FANCC: variants seen among roughly 807,000 people sequenced by gnomAD.
FANCC encodes Fanconi anemia group C protein.
FANCC carries 55 observed loss-of-function variants against 71.3 expected under a neutral mutation model. The ratio of observed to expected loss-of-function variants is 0.77; its 90% CI spans 0.62 to 0.97. The LOEUF is 0.97. Ranked by LOEUF, FANCC falls within the 50% of genes least tolerant of loss-of-function variation. The probability of loss-of-function intolerance (pLI) is 0.00; values close to 1 mark genes in which losing one functional copy is unlikely to be tolerated. For missense variants in FANCC, 678 were observed against 670.9 expected (o/e 1.01, Z -0.12); for synonymous variants, 275 against 244.9 (o/e 1.12, Z -1.15).
At chr9:95,291,967 A>AAAATATAT (rs1441757988) in intron 1 of FANCC, among the ~76,000 whole-genome samples, 25 of 50,416 alleles carry the variant, frequency 5.0e-4, no homozygotes, top group South Asian at 2.6e-3. Flanking sequence ...AAAAAAAAAA[A>AAAATATAT]ATATATATAT....
At chr9:95,149,889 C>T (rs376679271) in intron 7 of FANCC, 34 bp downstream of exon 7, 91 of 1,567,234 alleles carry the variant, frequency 5.8e-5, no homozygotes, top group Non-Finnish European at 7.6e-5. Context: ...AAAGGAAAAA[C>T]GACGCAGGAT....
chr9:95,280,568 G>A (rs1014750697), intron 1 of FANCC, among the ~76,000 whole-genome samples: 4 of 152,122 alleles, frequency 2.6e-5, no homozygotes, highest in Admixed American at 1.3e-4. Flanking sequence ...TATAACAAAT[G>A]TGCTCTGATG....
chr9:95,111,028 G>A, intron 13 of FANCC: 2 of 1,444,236 alleles, frequency 1.4e-6, no homozygotes, highest in East Asian at 2.5e-5. Context: ...CAAGAAAGGA[G>A]ACAGTCAAGA....
intron 2 of FANCC, among the ~76,000 whole-genome samples, chr9:95,248,590 CAT>C (rs372246180): frequency 2.6e-4 from 39 of 152,128 alleles, no homozygotes; most frequent in African/African-American, 9.2e-4. Context: ...AATATAACAA[CAT>C]GTGCTAAATC....
intron 13 of FANCC, chr9:95,111,117 C>A: frequency 6.5e-7 from 1 of 1,531,868 alleles, no homozygotes; most frequent in Non-Finnish European, 8.7e-7. Context: ...CGGCACACCC[C>A]TCAGAACAGC....
At chr9:95,209,615 G>A (rs1828368630) in intron 4 of FANCC, among the ~76,000 whole-genome samples, 1 of 152,214 alleles carries the variant, frequency 6.6e-6, no homozygotes, top group African/African-American at 2.4e-5. Context: ...TATCTGTTGG[G>A]AGCAGTTCTC....
chr9:95,292,100 T>C (rs981936832), intron 1 of FANCC, among the ~76,000 whole-genome samples: 33 of 148,092 alleles, frequency 2.2e-4, no homozygotes, highest in African/African-American at 7.7e-4. Flanking sequence ...AGCAAAACAG[T>C]AGAGTACTGA....
intron 7 of FANCC, among the ~76,000 whole-genome samples, 193 bp from the exon 8 acceptor site, chr9:95,135,695 C>T (rs1827568675): frequency 6.6e-6 from 1 of 152,136 alleles, no homozygotes. Context: ...AATATGCTTC[C>T]ACTTCAACTC....
chr9:95,270,406 G>A (rs765887698), intron 1 of FANCC, among the ~76,000 whole-genome samples: 2 of 152,152 alleles, frequency 1.3e-5, no homozygotes, highest in Non-Finnish European at 2.9e-5. Flanking sequence ...AACTGTGAGA[G>A]TGCACATTTA....
chr9:95,258,166 G>A (rs1405891225), intron 1 of FANCC, among the ~76,000 whole-genome samples: 3 of 152,180 alleles, frequency 2.0e-5, no homozygotes, highest in African/African-American at 7.2e-5. Context: ...TAGAAAAAGA[G>A]GGACTCTTCC....
At chr9:95,200,005 T>A (rs1458524739) in intron 4 of FANCC, among the ~76,000 whole-genome samples, 1 of 152,212 alleles carries the variant, frequency 6.6e-6, no homozygotes, top group Non-Finnish European at 1.5e-5. Context: ...GATAATAATA[T>A]GTATTTTATA....
chr9:95,254,348 A>T (rs1351588180), intron 1 of FANCC, among the ~76,000 whole-genome samples: 1 of 152,252 alleles, frequency 6.6e-6, no homozygotes. Context: ...TGCAGAAGGC[A>T]GGTGATTTCT....
intron 12 of FANCC, among the ~76,000 whole-genome samples, chr9:95,113,266 G>A (rs1429378613): frequency 6.6e-6 from 1 of 152,244 alleles, no homozygotes; most frequent in African/African-American, 2.4e-5. Context: ...CTGGACATAG[G>A]TGTGTCACCC....
intron 1 of FANCC, chr9:95,294,499 G>A (rs1834255878): frequency 3.2e-6 from 5 of 1,585,716 alleles, no homozygotes; most frequent in Non-Finnish European, 4.3e-6. Flanking sequence ...TCTGCCTCTG[G>A]GAAGTATTCT....
At chr9:95,246,523 C>G (rs1385418579) in intron 3 of FANCC, among the ~76,000 whole-genome samples, 1 of 152,146 alleles carries the variant, frequency 6.6e-6, no homozygotes, top group Non-Finnish European at 1.5e-5. Context: ...ATTACATTAG[C>G]TAATAATACA....
chr9:95,259,440 GA>G (rs1367100952), intron 1 of FANCC, among the ~76,000 whole-genome samples: 26 of 152,274 alleles, frequency 1.7e-4, no homozygotes, highest in African/African-American at 5.8e-4. Context: ...CAAGCAATGG[GA>G]AAAGGATCCC....
intron 4 of FANCC, among the ~76,000 whole-genome samples, chr9:95,216,551 AC>A (rs1828875540): frequency 6.6e-6 from 1 of 152,196 alleles, no homozygotes; most frequent in Non-Finnish European, 1.5e-5. Flanking sequence ...TGTACAGCCA[AC>A]CCCTTTGGAA....
At chr9:95,274,837 T>C (rs1832945029) in intron 1 of FANCC, among the ~76,000 whole-genome samples, 1 of 152,104 alleles carries the variant, frequency 6.6e-6, no homozygotes, top group South Asian at 2.1e-4. Context: ...TGCCATTATT[T>C]GGGGAAGGGA....
At chr9:95,126,755 A>G in intron 8 of FANCC, 174 bp from the exon 9 acceptor site, 1 of 655,832 alleles carries the variant, frequency 1.5e-6, no homozygotes. Context: ...ATACAAGTGC[A>G]TACGGTGGTC....
Sources: allele counts gnomAD v4.1 joint callset (sites outside exome capture counted in the v4.1 genomes callset), GRCh38; gene constraint gnomAD v4.1.1; transcripts MANE v1.5; gene names NCBI Gene and HGNC (gene_info 2026-07-23, HGNC 2026-07-21).